Variants in RGS5 observed in about 807,000 individuals in gnomAD.
The protein encoded by RGS5 is regulator of G-protein signalling 5.
RGS5 carries 20 observed loss-of-function variants against 18.9 expected under a neutral mutation model. The ratio of observed to expected loss-of-function variants is 1.06; its 90% CI spans 0.74 to 1.54. The LOEUF (loss-of-function observed/expected upper bound fraction) is 1.54, where lower values mean the gene tolerates loss of function less well. Ranked by LOEUF, RGS5 falls within the 40% of genes most tolerant of loss-of-function variation. RGS5 has a pLI of 0.00. For missense variants in RGS5, 201 were observed against 211.8 expected, an observed-to-expected ratio of 0.95 and a Z score of 0.32; for synonymous variants, 57 against 76.2, an observed-to-expected ratio of 0.75 and a Z score of 1.31.
chr1:163,306,506 T>C (rs905635825), intron 1 of RGS5, among the ~76,000 whole-genome samples: 1 of 152,222 alleles, frequency 6.6e-6, no homozygotes, highest in African/African-American at 2.4e-5. Context: ...GCTATTTATA[T>C]AGATCCTGCC....
Position 163,188,724 on chromosome 1 carries a change from C to T in RGS5, c.44+14068G>A, listed in dbSNP as rs182215753. On this transcript the variant is annotated intron_variant, in intron 1 of 4. Transcript: ENST00000313961. ...CCTGTAATCCCAGCACTTTGGGAGG[C>T]CGAGCCAGGCAGATCATGAGGTCAA... Among the ~76,000 whole-genome samples, 82 of 152,170 alleles carry T rather than the reference C, an allele frequency of 5.4e-4. No homozygotes were observed. The East Asian group carries it at 0.015, about 28-fold the overall frequency.
At chr1:163,317,101 G>C (rs964339015) in intron 1 of RGS5, among the ~76,000 whole-genome samples, 2 of 152,110 alleles carry the variant, frequency 1.3e-5, no homozygotes, top group Non-Finnish European at 2.9e-5. Flanking sequence ...CAATTGCCAT[G>C]TATCTGGACA....
At chr1:163,177,201 C>T (rs1658594918) in intron 1 of RGS5, among the ~76,000 whole-genome samples, 1 of 152,184 alleles carries the variant, frequency 6.6e-6, no homozygotes, top group Non-Finnish European at 1.5e-5. Flanking sequence ...AAATGTAATT[C>T]ACTCTTAACC....
chr1:163,296,739 C>T (rs1649427257), intron 2 of RGS5, among the ~76,000 whole-genome samples: 1 of 152,152 alleles, frequency 6.6e-6, no homozygotes, highest in South Asian at 2.1e-4. Context: ...GATTGTGAAA[C>T]TTCTTGGGAA....
At chr1:163,272,121 A>T (rs552444092) in intron 2 of RGS5, among the ~76,000 whole-genome samples, 53 of 150,710 alleles carry the variant, frequency 3.5e-4, no homozygotes, top group Non-Finnish European at 6.8e-4. Context: ...TATTATAGAC[A>T]TTCTTGTGGG....
At chr1:163,320,596 T>C (rs1650167656) in intron 1 of RGS5, among the ~76,000 whole-genome samples, 1 of 152,172 alleles carries the variant, frequency 6.6e-6, no homozygotes, top group Non-Finnish European at 1.5e-5. Context: ...AGTAATCAAT[T>C]TGATTTGGCA....
At chr1:163,172,784 T>G (rs1334549241) in intron 1 of RGS5, among the ~76,000 whole-genome samples, 1 of 152,232 alleles carries the variant, frequency 6.6e-6, no homozygotes, top group African/African-American at 2.4e-5. Context: ...TTTCTGCTCA[T>G]ACAACAGTAA....
At chr1:163,180,990 G>GC in intron 1 of RGS5, among the ~76,000 whole-genome samples, 1 of 151,884 alleles carries the variant, frequency 6.6e-6, no homozygotes, top group Non-Finnish European at 1.5e-5. Flanking sequence ...CACCGCGCCC[G>GC]CCCCCCTGTT....
chr1:163,319,294 A>G lies in RGS5; in HGVS notation c.-378+2328T>C, dbSNP rs545376607. 6 of 152,268 alleles carry G rather than the reference A, an allele frequency of 3.9e-5. No homozygotes were observed. The South Asian group carries it at 1.2e-3, about 32-fold the overall frequency. The allele number at this position is 152,268 out of a possible 1,614,324, so 9.4% of individuals were successfully genotyped here. On this transcript the variant is annotated intron_variant, in intron 1 of 5. Coordinates refer to the RGS5 transcript ENST00000618415. Reference sequence around the variant, plus strand: ...TCATCCAGAATTTAAAGTGCAGTCTAGAAAAGGAACATGAAATTAAAATTA... The same window carrying G: ...TCATCCAGAATTTAAAGTGCAGTCTGGAAAAGGAACATGAAATTAAAATTA...
chr1:163,260,131 T>C (rs1198279157), intron 2 of RGS5: 1 of 152,226 alleles, frequency 6.6e-6, no homozygotes, highest in African/African-American at 2.4e-5. Flanking sequence ...CCTATGCTTT[T>C]TTCTCATGAT....
At chr1:163,242,821 G>C (rs1033175686) in intron 2 of RGS5, among the ~76,000 whole-genome samples, 44 of 152,124 alleles carry the variant, frequency 2.9e-4, no homozygotes, top group African/African-American at 9.2e-4. Context: ...AACCTCTAAC[G>C]TTTTCTGAGG....
At chr1:163,199,172 A>G (rs940218570) in intron 1 of RGS5, among the ~76,000 whole-genome samples, 1 of 152,166 alleles carries the variant, frequency 6.6e-6, no homozygotes, top group African/African-American at 2.4e-5. Context: ...CATTGACAGT[A>G]TAAGATTCTC....
chr1:163,166,423 T>C (rs1043362990), intron 2 of RGS5, among the ~76,000 whole-genome samples: 1 of 152,110 alleles, frequency 6.6e-6, no homozygotes, highest in East Asian at 1.9e-4. Context: ...GAAGAATTAT[T>C]TTCCCCTCTG....
At chr1:163,251,304 G>C (rs1161796005) in intron 2 of RGS5, among the ~76,000 whole-genome samples, 1 of 152,094 alleles carries the variant, frequency 6.6e-6, no homozygotes, top group Non-Finnish European at 1.5e-5. Context: ...GATTTGCTCT[G>C]TCTTCAAGGA....
At chr1:163,163,460 G>A (rs1657898350) in intron 2 of RGS5, among the ~76,000 whole-genome samples, 1 of 147,922 alleles carries the variant, frequency 6.8e-6, no homozygotes, top group Non-Finnish European at 1.5e-5. Context: ...CATTTCCTCT[G>A]GCTAGTATAA....
chr1:163,146,236 A>G lies in RGS5; in HGVS notation c.*1106T>C, dbSNP rs1281704770. 6.8e-6 allele frequency: 1 copy of G among 146,118 alleles called. No individual in the cohort carries two copies. The highest frequency in any genetic ancestry group is 1.5e-5 in the Non-Finnish European group (1 of 67,544). The allele number at this position is 146,118 out of a possible 1,614,324, so 9.1% of individuals were successfully genotyped here. A position where few individuals can be genotyped will look rare whatever the true frequency, so the allele number is the denominator to read the frequency against. On this transcript the variant is annotated 3_prime_UTR_variant, in exon 5 of 5. Transcript: ENST00000313961. ...GAAGGAATACTGGGGTTGCTAAAAGATTACTTTTTTTTTTTTTTTTTGCAA... is the reference window on the plus strand; with the variant it reads ...GAAGGAATACTGGGGTTGCTAAAAGGTTACTTTTTTTTTTTTTTTTTGCAA...
At chr1:163,191,617 A>C (rs975987547) in intron 1 of RGS5, among the ~76,000 whole-genome samples, 3 of 152,164 alleles carry the variant, frequency 2.0e-5, no homozygotes, top group Admixed American at 1.3e-4. Context: ...TCTTGGCACA[A>C]AGTTGCTAAA....
chr1:163,180,755 T>C (rs1326889835), intron 1 of RGS5, among the ~76,000 whole-genome samples: 1 of 136,682 alleles, frequency 7.3e-6, no homozygotes, highest in African/African-American at 2.7e-5. Flanking sequence ...AGTGCAGTGG[T>C]GTAATCTCGT....
chr1:163,211,118 G>T (rs751923035), intron 1 of RGS5: 3 of 152,204 alleles, frequency 2.0e-5, no homozygotes, highest in Non-Finnish European at 4.4e-5. Context: ...AGATCATGAT[G>T]TCAGAGAAGT....
Sources: gnomAD v4.1 joint callset for allele counts (sites outside exome capture counted in the v4.1 genomes callset) on GRCh38, gnomAD v4.1.1 for gene constraint, MANE v1.5 for transcripts, NCBI Gene and HGNC (gene_info 2026-07-23, HGNC 2026-07-21) for gene names.